The following ARHGAP26 variants were observed in gnomAD, a reference collection of about 807,000 sequenced individuals.
ARHGAP26 encodes Rho GTPase activating protein 26.
ARHGAP26 carries 38 observed loss-of-function variants against 104.8 expected under a neutral mutation model. The ratio of observed to expected loss-of-function variants is 0.36; its 90% confidence interval spans 0.28 to 0.48. ARHGAP26 has a LOEUF of 0.48. ARHGAP26 is among the 20% of genes least tolerant of loss of function. The probability of loss-of-function intolerance (pLI) is 0.99; values close to 1 mark genes in which losing one functional copy is unlikely to be tolerated. For synonymous variants in ARHGAP26, 341 were observed against 340.0 expected (o/e 1.00, Z -0.03); for missense variants, 704 against 947.9 (o/e 0.74, Z 3.38).
At chr5:143,107,538 A>G (rs141517756) in intron 17 of ARHGAP26, among the ~76,000 whole-genome samples, 1 of 152,314 alleles carries the variant, frequency 6.6e-6, no homozygotes, top group African/African-American at 2.4e-5. Context: ...AAGCAAGATG[A>G]CAGCAACTAA....
intron 1 of ARHGAP26, among the ~76,000 whole-genome samples, chr5:142,816,821 AG>A (rs1304428331): frequency 5.9e-5 from 9 of 152,044 alleles, no homozygotes; most frequent in Admixed American, 3.9e-4. Flanking sequence ...CCTTGAGCAG[AG>A]GGTTAGTGTG....
At chr5:142,788,554 T>G (rs1288462370) in intron 1 of ARHGAP26, among the ~76,000 whole-genome samples, 1 of 152,202 alleles carries the variant, frequency 6.6e-6, no homozygotes, top group Non-Finnish European at 1.5e-5. Flanking sequence ...TCAAGAATAT[T>G]GGGTTGGGAA....
chr5:142,865,402 AT>A (rs1754085755), intron 1 of ARHGAP26, among the ~76,000 whole-genome samples: 2 of 149,754 alleles, frequency 1.3e-5, no homozygotes, highest in African/African-American at 4.9e-5. Flanking sequence ...ATACATATGT[AT>A]TTGTATACAT....
chr5:143,035,851 G>A (rs749545447), intron 12 of ARHGAP26, among the ~76,000 whole-genome samples: 1 of 149,422 alleles, frequency 6.7e-6, no homozygotes, highest in Non-Finnish European at 1.5e-5. Flanking sequence ...CAGGAGACTC[G>A]CTTGAACCCA....
intron 20 of ARHGAP26, among the ~76,000 whole-genome samples, chr5:143,154,846 CA>C (rs1412074721): frequency 6.6e-6 from 1 of 152,092 alleles, no homozygotes; most frequent in African/African-American, 2.4e-5. Flanking sequence ...AGTGATAATT[CA>C]TAGCATTTTT....
At chr5:142,870,245 T>C (rs1755082311) in intron 1 of ARHGAP26, among the ~76,000 whole-genome samples, 1 of 152,220 alleles carries the variant, frequency 6.6e-6, no homozygotes, top group Non-Finnish European at 1.5e-5. Flanking sequence ...GTTAGATTCC[T>C]GTGTGCATCA....
intron 1 of ARHGAP26, among the ~76,000 whole-genome samples, chr5:142,802,860 C>T (rs1013394946): frequency 6.6e-6 from 1 of 152,262 alleles, no homozygotes; most frequent in South Asian, 2.1e-4. Flanking sequence ...TAGATTTCAT[C>T]CTCTCCAAAC....
intron 20 of ARHGAP26, among the ~76,000 whole-genome samples, chr5:143,191,510 A>C (rs1326828798): frequency 6.6e-6 from 1 of 152,238 alleles, no homozygotes; most frequent in East Asian, 1.9e-4. Flanking sequence ...AATAGCTTTA[A>C]GTGGTGCTTG....
chr5:143,088,177 T>A (rs1790877604), intron 17 of ARHGAP26, among the ~76,000 whole-genome samples: 1 of 152,238 alleles, frequency 6.6e-6, no homozygotes, highest in African/African-American at 2.4e-5. Context: ...TATCTGTCCT[T>A]CATAGGGCAT....
Position 142,985,182 on chromosome 5 carries a change from T to G in ARHGAP26, c.1108-28898T>G, listed in dbSNP as rs149832368. 7.0e-3 allele frequency among the ~76,000 whole-genome samples: 1,067 copies of G among 152,238 alleles called. 13 individuals are homozygous for G. The highest frequency in any genetic ancestry group is 0.024 in the African/African-American group (1,002 of 41,548). ...TAATAATAATAAATACAAAAAAAACTTGTTGAATAAGGAAAAAATACTTTT... is the reference window on the plus strand; with the variant it reads ...TAATAATAATAAATACAAAAAAAACGTGTTGAATAAGGAAAAAATACTTTT... On this transcript the variant is annotated intron_variant, in intron 11 of 22. Transcript: ENST00000645722.
intron 17 of ARHGAP26, among the ~76,000 whole-genome samples, chr5:143,084,655 C>T (rs1790293175): frequency 6.6e-6 from 1 of 152,226 alleles, no homozygotes; most frequent in Admixed American, 6.5e-5. Flanking sequence ...CCTGTCTCCA[C>T]TCCATGCCAA....
chr5:142,841,038 ATAT>A (rs1770689715), intron 1 of ARHGAP26, among the ~76,000 whole-genome samples: 1 of 152,188 alleles, frequency 6.6e-6, no homozygotes, highest in South Asian at 2.1e-4. Context: ...GAAATTAGTA[ATAT>A]TATGATCTAT....
At chr5:143,068,363 C>T (rs1257948401) in intron 17 of ARHGAP26, among the ~76,000 whole-genome samples, 5 of 152,124 alleles carry the variant, frequency 3.3e-5, no homozygotes, top group Admixed American at 3.3e-4. Context: ...TTTCATTCCA[C>T]AGAGAAAATA....
chr5:143,196,144 A>G (rs1282000181), intron 20 of ARHGAP26, among the ~76,000 whole-genome samples: 3 of 151,966 alleles, frequency 2.0e-5, no homozygotes, highest in Non-Finnish European at 2.9e-5. Flanking sequence ...AACACCCCCT[A>G]AATAATACTA....
At chr5:143,055,983 T>G in intron 15 of ARHGAP26, 45 bp from the exon 16 acceptor site, 1 of 1,381,214 alleles carries the variant, frequency 7.2e-7, no homozygotes, top group Non-Finnish European at 1.0e-6. Flanking sequence ...GAGAATATGA[T>G]TATTCTTATT....
chr5:142,940,293 C>T (rs1598323612), intron 11 of ARHGAP26, among the ~76,000 whole-genome samples: 1 of 152,034 alleles, frequency 6.6e-6, no homozygotes, highest in South Asian at 2.1e-4. Context: ...GGCCTCAGTC[C>T]TTTCTGAGCT....
At chr5:143,139,699 C>T (rs530210395) in intron 19 of ARHGAP26, among the ~76,000 whole-genome samples, 6 of 152,282 alleles carry the variant, frequency 3.9e-5, no homozygotes, top group South Asian at 4.1e-4. Context: ...CGCTCATTTG[C>T]GATCACCTTC....
chr5:143,092,222 G>GGCAC (rs1791552654), intron 17 of ARHGAP26, among the ~76,000 whole-genome samples: 1 of 137,584 alleles, frequency 7.3e-6, no homozygotes, highest in Admixed American at 8.2e-5. Flanking sequence ...GGAGTGCAGT[G>GGCAC]GCACGATCTC....
At chr5:142,846,546 A>G (rs992719244) in intron 1 of ARHGAP26, among the ~76,000 whole-genome samples, 5 of 152,210 alleles carry the variant, frequency 3.3e-5, no homozygotes, top group African/African-American at 1.2e-4. Flanking sequence ...TAAGGGCTGC[A>G]GAACTGGGCC....
Sources: allele counts gnomAD v4.1 joint callset (sites outside exome capture counted in the v4.1 genomes callset), GRCh38; gene constraint gnomAD v4.1.1; transcripts MANE v1.5; gene names NCBI Gene and HGNC (gene_info 2026-07-23, HGNC 2026-07-21).